ACOT1: variants seen among roughly 807,000 people sequenced by gnomAD.
ACOT1 encodes the protein acyl-CoA thioesterase 1.
A neutral mutation model predicts 15.7 loss-of-function variants in ACOT1; 8 were observed. The observed-to-expected ratio is 0.51, with a 90% CI of 0.30 to 0.92. The LOEUF (loss-of-function observed/expected upper bound fraction) is 0.92. Ranked by LOEUF, ACOT1 falls within the 40% of genes least tolerant of loss-of-function variation. ACOT1 has a pLI of 0.06. For missense variants in ACOT1, 151 were observed against 539.4 expected (o/e 0.28, Z 7.13); for synonymous variants, 67 against 241.2 (o/e 0.28, Z 6.69).
chr14:73,542,522 G>A lies in ACOT1; in HGVS notation c.661-528G>A, dbSNP rs1413087298. Reference sequence around the variant, plus strand: ...CAGGTTCAAGCGATTCTCCTGCCTCGGCCTCCTGAGTAGCTGGGACTACAG... The same window carrying A: ...CAGGTTCAAGCGATTCTCCTGCCTCAGCCTCCTGAGTAGCTGGGACTACAG... On this transcript the variant is annotated intron_variant, in intron 2 of 2. Coordinates refer to ENST00000311148, the MANE Select transcript of ACOT1 (RefSeq NM_001037161.2). 4.9e-5 allele frequency among the ~76,000 whole-genome samples: 5 copies of A among 102,850 alleles called. 1 individual carries two copies. Among genetic ancestry groups the A allele is most frequent in the African/African-American group, 6.7e-5 (2 of 29,982 alleles). 67.5% of individuals were successfully genotyped at this position (102,850 alleles called of 152,430 possible). A position where few individuals can be genotyped will look rare whatever the true frequency, so the allele number is the denominator to read the frequency against.
the ACOT1 span, chr14:73,530,104 A>C: frequency 1.6e-5 from 2 of 123,952 alleles, 1 homozygote; most frequent in Non-Finnish European, 3.5e-5. Flanking sequence ...CTGGGACCAC[A>C]GGTGTGCACC....
chr14:73,506,924 C>A, the ACOT1 span, among the ~76,000 whole-genome samples: 5 of 150,722 alleles, frequency 3.3e-5, no homozygotes, highest in East Asian at 9.9e-4. Flanking sequence ...CCTCAGCCTC[C>A]CAAGTAGCTG....
the ACOT1 span, chr14:73,509,257 A>T: frequency 6.6e-7 from 1 of 1,523,272 alleles, no homozygotes; most frequent in Non-Finnish European, 9.1e-7. Context: ...GGGAAAGCTG[A>T]TAGTGAGATG....
At chr14:73,526,367 C>T in the ACOT1 span, among the ~76,000 whole-genome samples, 1,096 of 152,318 alleles carry the variant, frequency 7.2e-3, 18 homozygotes, top group African/African-American at 0.025. Context: ...AGTCAGGTCA[C>T]AAGGACTATA....
At chr14:73,500,422 C>T in the ACOT1 span, 1 of 1,009,620 alleles carries the variant, frequency 9.9e-7, no homozygotes, top group African/African-American at 1.6e-5. Flanking sequence ...GGCTTATACA[C>T]CCCCTTCCCA....
chr14:73,503,046 C>G, the ACOT1 span: 171 of 1,497,306 alleles, frequency 1.1e-4, 2 homozygotes, highest in Non-Finnish European at 5.9e-5. Flanking sequence ...GGTATCATCA[C>G]TTAATGAATG....
chr14:73,518,316 A>C, the ACOT1 span, among the ~76,000 whole-genome samples: 1 of 151,008 alleles, frequency 6.6e-6, no homozygotes, highest in East Asian at 2.0e-4. Context: ...AGGCAGGGGA[A>C]TTGCTTGAAC....
chr14:73,491,800 T>A, the ACOT1 span: 1 of 1,595,694 alleles, frequency 6.3e-7, no homozygotes, highest in African/African-American at 1.3e-5. Context: ...TCGGCCAGCA[T>A]TTGGACGCCG....
the ACOT1 span, chr14:73,500,599 C>T: frequency 3.2e-5 from 52 of 1,614,000 alleles, 1 homozygote; most frequent in South Asian, 1.5e-4. Flanking sequence ...GGCTGCCCGC[C>T]GAACTGCTGT....
chr14:73,493,354 G>A, the ACOT1 span: 3 of 483,500 alleles, frequency 6.2e-6, no homozygotes, highest in East Asian at 1.0e-4. Context: ...TGTTAAATTT[G>A]TATGAACCTT....
chr14:73,506,854 G>T, the ACOT1 span, among the ~76,000 whole-genome samples: 2 of 130,122 alleles, frequency 1.5e-5, no homozygotes, highest in Non-Finnish European at 3.1e-5. Flanking sequence ...AGGCTGGAGT[G>T]CAGTGGCACA....
At chr14:73,508,076 G>T in the ACOT1 span, 1 of 1,497,320 alleles carries the variant, frequency 6.7e-7, no homozygotes, top group South Asian at 1.2e-5. Flanking sequence ...TACATTCACT[G>T]ACCTCAAAGA....
At chr14:73,506,809 T>TTTTTTTG in the ACOT1 span, among the ~76,000 whole-genome samples, 2 of 112,530 alleles carry the variant, frequency 1.8e-5, no homozygotes, top group Non-Finnish European at 3.5e-5. Flanking sequence ...TAACTGTTTT[T>TTTTTTTG]TTTTTTTTTT....
At chr14:73,493,577 C>T in the ACOT1 span, among the ~76,000 whole-genome samples, 12 of 152,104 alleles carry the variant, frequency 7.9e-5, no homozygotes, top group Non-Finnish European at 1.2e-4. Context: ...GGTACTCATG[C>T]CTGTAATCCT....
chr14:73,491,791 C>T, the ACOT1 span: 9 of 1,587,342 alleles, frequency 5.7e-6, no homozygotes, highest in African/African-American at 1.3e-5. Flanking sequence ...AGGTGCAGTT[C>T]GGCCAGCATT....
At chr14:73,521,553 G>A in the ACOT1 span, among the ~76,000 whole-genome samples, 1 of 152,166 alleles carries the variant, frequency 6.6e-6, no homozygotes, top group Non-Finnish European at 1.5e-5. Flanking sequence ...ATTTATATTT[G>A]TCCAATAAAT....
chr14:73,512,811 C>G, the ACOT1 span, among the ~76,000 whole-genome samples: 17 of 152,210 alleles, frequency 1.1e-4, no homozygotes, highest in African/African-American at 3.9e-4. Context: ...GTAGGTGTTT[C>G]CTTCAGTCTT....
chr14:73,492,282 C>T, the ACOT1 span: 1 of 1,613,900 alleles, frequency 6.2e-7, no homozygotes, highest in African/African-American at 1.3e-5. This position sits in a 1 kb window ranked among gnomAD's most constrained non-coding sequence, Gnocchi z 4.9. Flanking sequence ...ACCTTGTCCA[C>T]GTACCAGCGC....
In ACOT1 at chr14:73,541,038, A is replaced by C. The variant is rs1444054029; in HGVS notation, c.458-455A>C. Among the ~76,000 whole-genome samples the C allele has an allele frequency of 2.9e-4, 33 of 114,378 alleles. 1 individual carries two copies. Among genetic ancestry groups the C allele is most frequent in the African/African-American group, 9.1e-4 (31 of 34,138 alleles). The allele number at this position is 114,378 out of a possible 152,430, so 75.0% of individuals were successfully genotyped here. A position where few individuals can be genotyped will look rare whatever the true frequency, so the allele number is the denominator to read the frequency against. ...ATTACAGGCGTGAGCCACCAGACCCAGCCTGCATTATTATTCTTTAATTTT... is the reference window on the plus strand; with the variant it reads ...ATTACAGGCGTGAGCCACCAGACCCCGCCTGCATTATTATTCTTTAATTTT... On this transcript the variant is annotated intron_variant, in intron 1 of 2. Transcript: ENST00000311148.
Sources: allele counts gnomAD v4.1 joint callset (sites outside exome capture counted in the v4.1 genomes callset), GRCh38; gene constraint gnomAD v4.1.1; non-coding constraint Gnocchi (gnomAD v3.1); transcripts MANE v1.5; gene names NCBI Gene and HGNC (gene_info 2026-07-23, HGNC 2026-07-21).